CAMKMT: variants seen among roughly 807,000 people sequenced by gnomAD.
CAMKMT encodes the protein CaM KMT.
Under a neutral mutation model 48.0 loss-of-function variants are expected in CAMKMT, and 53 were observed. The observed-to-expected ratio is 1.10, with a 90% confidence interval of 0.89 to 1.39. The LOEUF (loss-of-function observed/expected upper bound fraction) is 1.39, where lower values mean the gene tolerates loss of function less well. CAMKMT is among the 40% of genes most tolerant of loss of function. The pLI, the probability that CAMKMT is intolerant of heterozygous loss-of-function variation, is 0.00. For synonymous variants in CAMKMT, 165 were observed against 152.3 expected (o/e 1.08, Z -0.61); for missense variants, 428 against 402.7 (o/e 1.06, Z -0.54).
At chr2:44,531,462 C>G (rs1016668829) in intron 3 of CAMKMT, among the ~76,000 whole-genome samples, 2 of 152,122 alleles carry the variant, frequency 1.3e-5, no homozygotes, top group African/African-American at 4.8e-5. Context: ...ACAACCACAA[C>G]TGACACTGCT....
At chr2:44,554,521 A>T (rs1332024728) in intron 3 of CAMKMT, among the ~76,000 whole-genome samples, 1 of 152,178 alleles carries the variant, frequency 6.6e-6, no homozygotes, top group South Asian at 2.1e-4. Flanking sequence ...GGATTGTGTG[A>T]AACCTGGAGT....
intron 3 of CAMKMT, among the ~76,000 whole-genome samples, chr2:44,408,110 C>A (rs1438029937): frequency 6.6e-6 from 1 of 151,118 alleles, no homozygotes; most frequent in Non-Finnish European, 1.5e-5. Flanking sequence ...ACTGCAACCT[C>A]CACCTCCCAG....
chr2:44,627,024 C>G (rs1044861337), intron 3 of CAMKMT, among the ~76,000 whole-genome samples: 1 of 152,032 alleles, frequency 6.6e-6, no homozygotes, highest in Non-Finnish European at 1.5e-5. Flanking sequence ...GGTGAATGTC[C>G]TTTATGAGAG....
chr2:44,527,395 ATGTATATACG>A (rs1666196107), intron 3 of CAMKMT, among the ~76,000 whole-genome samples: 2 of 139,286 alleles, frequency 1.4e-5, no homozygotes, highest in African/African-American at 5.3e-5. Flanking sequence ...TATAATATAT[ATGTATATACG>A]TATATATATT....
chr2:44,389,187 G>A lies in CAMKMT; in HGVS notation c.312-1054G>A, dbSNP rs554498903. On this transcript the variant is annotated intron_variant, in intron 2 of 10. Transcript: ENST00000378494. ...TCCTTGGGTGGGTCTTGCTGTAGCT[G>A]CTGTGGGGGATGGGGGTGAGATTCC... Among the ~76,000 whole-genome samples, 7 of 152,238 alleles carry A rather than the reference G, an allele frequency of 4.6e-5. No homozygotes were observed. The South Asian group carries it at 1.5e-3, about 32-fold the overall frequency.
At chr2:44,471,383 A>G (rs1313057118) in intron 3 of CAMKMT, among the ~76,000 whole-genome samples, 1 of 152,074 alleles carries the variant, frequency 6.6e-6, no homozygotes, top group Non-Finnish European at 1.5e-5. Flanking sequence ...GGATCACTTG[A>G]GTCTAGGAGT....
chr2:44,685,336 G>A lies in CAMKMT; in HGVS notation c.377-18947G>A, dbSNP rs144575465. On this transcript the variant is annotated intron_variant, in intron 3 of 10. Transcript: ENST00000378494. ...GAATGAGATGGACAGAGGGAAAACT[G>A]AGGGAATCAAGGGAGGGAGAAAGCA... Among the ~76,000 whole-genome samples, 1,129 of 152,322 alleles carry A rather than the reference G, an allele frequency of 7.4e-3. 7 individuals are homozygous for A. The highest frequency in any genetic ancestry group is 0.01 in the Middle Eastern group (3 of 294).
At chr2:44,593,049 AG>A (rs914134833) in intron 3 of CAMKMT, among the ~76,000 whole-genome samples, 5 of 152,150 alleles carry the variant, frequency 3.3e-5, no homozygotes, top group African/African-American at 9.7e-5. Flanking sequence ...AATATTCTTG[AG>A]TTTTGTTTTG....
chr2:44,573,967 C>G (rs963297287), intron 3 of CAMKMT, among the ~76,000 whole-genome samples: 1 of 152,146 alleles, frequency 6.6e-6, no homozygotes, highest in Non-Finnish European at 1.5e-5. Context: ...TCTGATAGGG[C>G]AGGTCCCTTC....
chr2:44,743,177 C>G (rs1679774836), intron 7 of CAMKMT, among the ~76,000 whole-genome samples: 1 of 152,164 alleles, frequency 6.6e-6, no homozygotes, highest in Admixed American at 6.5e-5. Flanking sequence ...TACCAAATTG[C>G]TCATTTCATC....
At chr2:44,734,975 A>T (rs1451407165) in intron 7 of CAMKMT, among the ~76,000 whole-genome samples, 1 of 152,136 alleles carries the variant, frequency 6.6e-6, no homozygotes, top group Non-Finnish European at 1.5e-5. Context: ...ATTTGGTTTC[A>T]TCTGTGTTTT....
At chr2:44,572,310 G>A (rs1355663181) in intron 3 of CAMKMT, among the ~76,000 whole-genome samples, 3 of 152,112 alleles carry the variant, frequency 2.0e-5, no homozygotes, top group East Asian at 1.9e-4. Flanking sequence ...GCCTCCCAAA[G>A]TGCTGGGATT....
intron 10 of CAMKMT, among the ~76,000 whole-genome samples, chr2:44,770,676 G>A (rs929457280): frequency 2.6e-5 from 4 of 152,130 alleles, no homozygotes; most frequent in South Asian, 2.1e-4. Context: ...GGTAAGTCCC[G>A]GTCAGTGGGT....
intron 3 of CAMKMT, among the ~76,000 whole-genome samples, chr2:44,494,668 T>C (rs1669673938): frequency 6.6e-6 from 1 of 152,218 alleles, no homozygotes; most frequent in African/African-American, 2.4e-5. Flanking sequence ...CAAGAGAACA[T>C]GGATTCTTTT....
chr2:44,364,287 A>G (rs1678362381), intron 1 of CAMKMT, among the ~76,000 whole-genome samples: 2 of 152,106 alleles, frequency 1.3e-5, no homozygotes, highest in South Asian at 2.1e-4. Context: ...CTTTTGGTAT[A>G]TATCTGCCTG....
intron 3 of CAMKMT, among the ~76,000 whole-genome samples, chr2:44,550,413 GA>G (rs1667643803): frequency 6.6e-6 from 1 of 150,592 alleles, no homozygotes; most frequent in Non-Finnish European, 1.5e-5. Context: ...AAAAAAGAAA[GA>G]AAAAAGACTG....
In CAMKMT at chr2:44,706,253, G is replaced by A. The variant is rs187572031; in HGVS notation, c.438-34G>A. The A allele has an allele frequency of 5.2e-5, 84 of 1,609,202 alleles. No homozygotes were observed. In the African/African-American group the frequency reaches 9.8e-4, roughly 19 times the overall value. On this transcript the variant is annotated intron_variant, in intron 4 of 10. Coordinates refer to ENST00000378494, the MANE Select transcript of CAMKMT (RefSeq NM_024766.5). ...CTCTCTGACCATTTTCATCTAATTT[G>A]TATGGGTTCTACCATTTCTTTTCTC...
At chr2:44,387,356 AT>A (rs1314783266) in intron 2 of CAMKMT, among the ~76,000 whole-genome samples, 30 of 151,590 alleles carry the variant, frequency 2.0e-4, no homozygotes, top group Non-Finnish European at 3.4e-4. Context: ...TTTGGTATCC[AT>A]TTGCATGAAA....
chr2:44,367,746 TG>T (rs1321279472), intron 1 of CAMKMT, among the ~76,000 whole-genome samples: 2 of 152,234 alleles, frequency 1.3e-5, no homozygotes, highest in Admixed American at 1.3e-4. Context: ...TACTTTAAGC[TG>T]TACTCGATGT....
Sources: allele counts gnomAD v4.1 joint callset (sites outside exome capture counted in the v4.1 genomes callset), GRCh38; gene constraint gnomAD v4.1.1; transcripts MANE v1.5; gene names NCBI Gene and HGNC (gene_info 2026-07-23, HGNC 2026-07-21).